The following SSBP2 variants were observed in gnomAD, a reference collection of about 807,000 sequenced individuals.
SSBP2 encodes the protein single-stranded DNA-binding protein 2.
SSBP2 carries 17 observed loss-of-function variants against 61.8 expected under a neutral mutation model. That is an observed-to-expected ratio of 0.28 (90% CI 0.19 to 0.41). SSBP2 has a LOEUF of 0.41. Among genes scored for constraint, SSBP2 ranks in the 10% least tolerant of loss-of-function variants. SSBP2 has a pLI of 1.00. For synonymous variants in SSBP2, 139 were observed against 141.3 expected (o/e 0.98, Z 0.12); for missense variants, 310 against 458.7 (o/e 0.68, Z 2.96).
chr5:81,542,817 T>TTCTCTCTCTCTCTCTCTCTC lies in SSBP2; in HGVS notation c.283-29120_283-29101dup, dbSNP rs60252222. Among the ~76,000 whole-genome samples the TTCTCTCTCTCTCTCTCTCTC allele has an allele frequency of 8.3e-3, 881 of 106,666 alleles. 38 individuals carry two copies. The highest frequency in any genetic ancestry group is 0.018 in the African/African-American group (442 of 24,576). The allele number at this position is 106,666 out of a possible 152,430, so 70.0% of individuals were successfully genotyped here. ...ATGGTTTTTATAAGTATTTGACAGT[T>TTCTCTCTCTCTCTCTCTCTC]TCTCTCTCTCTCTCTCTCTCTCTCT... is the stretch of plus-strand genomic sequence containing the variant. On this transcript the variant is annotated intron_variant, in intron 4 of 16. Transcript: ENST00000320672.
At chr5:81,522,148 T>C (rs1298297845) in intron 4 of SSBP2, among the ~76,000 whole-genome samples, 1 of 152,028 alleles carries the variant, frequency 6.6e-6, no homozygotes, top group Non-Finnish European at 1.5e-5. Flanking sequence ...AATTCATCAG[T>C]AATATAATGC....
In SSBP2 at chr5:81,614,302, G is replaced by A. The variant is rs1379852036; in HGVS notation, c.282+1171C>T. Among the ~76,000 whole-genome samples the A allele has an allele frequency of 2.1e-5, 3 of 141,458 alleles. No homozygotes were observed. The Admixed American group carries it at 2.3e-4, about 11-fold the overall frequency. The allele number at this position is 141,458 out of a possible 152,430, so 92.8% of individuals were successfully genotyped here. A position where few individuals can be genotyped will look rare whatever the true frequency, so the allele number is the denominator to read the frequency against. ...GTGAACCCGGGAGGCGGAGCTTGCA[G>A]TGAGCCGAGATTGCGCCACCGCACT... On this transcript the variant is annotated intron_variant, in intron 4 of 16. Transcript: ENST00000320672.
intron 1 of SSBP2, among the ~76,000 whole-genome samples, chr5:81,717,447 C>G (rs746042553): frequency 1.2e-4 from 19 of 152,112 alleles, no homozygotes; most frequent in Non-Finnish European, 2.1e-4. Context: ...ACTTAGGAGT[C>G]TCATGCCTTC....
chr5:81,745,397 A>C (rs2154026647), intron 1 of SSBP2, among the ~76,000 whole-genome samples: 1 of 152,280 alleles, frequency 6.6e-6, no homozygotes, highest in South Asian at 2.1e-4. Context: ...TAAAATACAC[A>C]AAGTTTGATC....
At chr5:81,623,301 T>C (rs58652756) in intron 3 of SSBP2, among the ~76,000 whole-genome samples, 2 of 151,788 alleles carry the variant, frequency 1.3e-5, no homozygotes, top group African/African-American at 2.4e-5. Context: ...AGTATTCCAA[T>C]TGCATTACTT....
At chr5:81,489,789 A>C (rs1043161788) in intron 5 of SSBP2, among the ~76,000 whole-genome samples, 2 of 152,300 alleles carry the variant, frequency 1.3e-5, no homozygotes, top group African/African-American at 4.8e-5. Context: ...ATGATAAATA[A>C]ATTTCTTTTC....
chr5:81,434,166 A>C (rs1762521050), intron 15 of SSBP2, among the ~76,000 whole-genome samples: 1 of 152,232 alleles, frequency 6.6e-6, no homozygotes, highest in Non-Finnish European at 1.5e-5. Flanking sequence ...CTCTTTATTT[A>C]TCTTACATAT....
intron 8 of SSBP2, among the ~76,000 whole-genome samples, chr5:81,467,715 G>A (rs1764987012): frequency 6.6e-6 from 1 of 151,830 alleles, no homozygotes; most frequent in Admixed American, 6.6e-5. Context: ...GGACAAAAAG[G>A]CTAATTTTAT....
chr5:81,617,650 T>C (rs1396957175), intron 3 of SSBP2, among the ~76,000 whole-genome samples: 4 of 59,980 alleles, frequency 6.7e-5, no homozygotes, highest in African/African-American at 2.2e-4. Flanking sequence ...CACATAATTG[T>C]CAGATTCACC....
At chr5:81,691,876 A>AT (rs1753227652) in intron 1 of SSBP2, among the ~76,000 whole-genome samples, 1 of 152,192 alleles carries the variant, frequency 6.6e-6, no homozygotes, top group Non-Finnish European at 1.5e-5. Context: ...ACCAAGTAAG[A>AT]TTTATTTCAG....
intron 1 of SSBP2, among the ~76,000 whole-genome samples, chr5:81,666,827 T>C (rs1488826923): frequency 6.6e-6 from 1 of 152,218 alleles, no homozygotes; most frequent in Non-Finnish European, 1.5e-5. Flanking sequence ...ACTTTCTGTC[T>C]GTGTTATCCT....
At chr5:81,431,595 C>CT (rs925378368) in intron 15 of SSBP2, among the ~76,000 whole-genome samples, 179 of 147,538 alleles carry the variant, frequency 1.2e-3, no homozygotes, top group East Asian at 3.3e-3. Context: ...CTTCTTCTCT[C>CT]TTTTTTTTTT....
chr5:81,513,610 CAG>C lies in SSBP2; in HGVS notation c.372+16_372+17del. On this transcript the variant is annotated intron_variant, in intron 5 of 16. Transcript: ENST00000320672. ...GTTCCTATGCTTTAACATTCCTAGT[CAG>C]AGTTTCTCTGAGTACCTGAAAGAAC... 1 of 1,489,740 alleles carries C rather than the reference CAG, an allele frequency of 6.7e-7. No homozygotes were observed. The highest frequency in any genetic ancestry group is 9.4e-7 in the Non-Finnish European group (1 of 1,069,300). 92.3% of individuals were successfully genotyped at this position (1,489,740 alleles called of 1,614,324 possible).
At chr5:81,715,010 C>T (rs183392711) in intron 1 of SSBP2, among the ~76,000 whole-genome samples, 6 of 151,604 alleles carry the variant, frequency 4.0e-5, no homozygotes, top group South Asian at 4.2e-4. Context: ...CTGAGGAAAT[C>T]GCCCAATAAA....
chr5:81,698,791 G>C (rs948816540), intron 1 of SSBP2, among the ~76,000 whole-genome samples: 1 of 152,192 alleles, frequency 6.6e-6, no homozygotes, highest in African/African-American at 2.4e-5. Flanking sequence ...CTAGGTGACA[G>C]AGCAGGACTC....
At chr5:81,443,651 C>T (rs549152867) in intron 12 of SSBP2, among the ~76,000 whole-genome samples, 1 of 152,332 alleles carries the variant, frequency 6.6e-6, no homozygotes, top group Non-Finnish European at 1.5e-5. Flanking sequence ...CAACCTCCGC[C>T]TCCCGGGTTC....
chr5:81,585,714 A>G (rs902765208), intron 4 of SSBP2, among the ~76,000 whole-genome samples: 17 of 152,164 alleles, frequency 1.1e-4, no homozygotes, highest in Non-Finnish European at 5.9e-5. Context: ...AGTATACATT[A>G]TTATTAACTA....
chr5:81,424,490 G>T (rs1761830344), intron 16 of SSBP2, among the ~76,000 whole-genome samples: 1 of 152,014 alleles, frequency 6.6e-6, no homozygotes, highest in South Asian at 2.1e-4. Flanking sequence ...ATCTAATAAA[G>T]TTTAATTTTT....
At chr5:81,547,759 C>T (rs1771849957) in intron 4 of SSBP2, among the ~76,000 whole-genome samples, 1 of 152,166 alleles carries the variant, frequency 6.6e-6, no homozygotes, top group South Asian at 2.1e-4. Flanking sequence ...ACATATGAGC[C>T]ACTGTGCCCA....
Sources: gnomAD v4.1 joint callset for allele counts (sites outside exome capture counted in the v4.1 genomes callset) on GRCh38, gnomAD v4.1.1 for gene constraint, MANE v1.5 for transcripts, NCBI Gene and HGNC (gene_info 2026-07-23, HGNC 2026-07-21) for gene names.